CNMD: variants seen among roughly 807,000 people sequenced by gnomAD.
CNMD encodes the protein chondromodulin, also known as leukocyte cell-derived chemotaxin 1.
A neutral mutation model predicts 37.5 loss-of-function variants in CNMD; 30 were observed. That is an observed-to-expected ratio of 0.80 (90% CI 0.60 to 1.09). The LOEUF is 1.09. Ranked by LOEUF, CNMD falls within the 50% of genes least tolerant of loss-of-function variation. CNMD has a pLI of 0.00. For missense variants in CNMD, 398 were observed against 423.9 expected (o/e 0.94, Z 0.54); for synonymous variants, 167 against 148.2 (o/e 1.13, Z -0.92).
At chr13:52,726,005 A>G (rs148018914) in intron 3 of CNMD, among the ~76,000 whole-genome samples, 1 of 152,356 alleles carries the variant, frequency 6.6e-6, no homozygotes, top group East Asian at 1.9e-4. Context: ...TGGCTTAATT[A>G]ATCATGTATA....
At position 52,708,519 on chromosome 13, in the gene CNMD, A is replaced by C. The variant is rs750303317; in HGVS notation, c.789+17T>G. On this transcript the variant is annotated intron_variant, in intron 6 of 6. Transcript: ENST00000377962. ...TAATGCATTTGTCTAATCATGTCAA[A>C]AAGCACCGGAACGCACATGATAAGG... 1 of 1,601,684 alleles carries C rather than the reference A, an allele frequency of 6.2e-7. No homozygotes were observed. Among genetic ancestry groups the C allele is most frequent in the South Asian group, 1.1e-5 (1 of 88,410 alleles).
Position 52,733,250 on chromosome 13 carries a change from T to C in CNMD, c.323A>G (p.Glu108Gly), listed in dbSNP as rs752487864. The change falls in exon 3 of 7, where the codon GAA becomes GGA. Residue 108 changes from glutamate (E) to glycine (G), a missense_variant. By Grantham distance (98) the Glu-to-Gly change is moderately conservative. Transcript: ENST00000377962. Reference protein sequence around the residue: ...LETFKMGSGAEEAIAVNDFQN... With the variant: ...LETFKMGSGAGEAIAVNDFQN... Reference sequence around the variant, plus strand: ...GAAATCATTAACTGCAATTGCTTCTTCAGCTCCACTTCCCATTTTAAAGGT... The same window carrying C: ...GAAATCATTAACTGCAATTGCTTCTCCAGCTCCACTTCCCATTTTAAAGGT... 49 of 1,614,078 alleles carry C rather than the reference T, an allele frequency of 3.0e-5. No individual in the cohort carries two copies. The highest frequency in any genetic ancestry group is 4.1e-5 in the Non-Finnish European group (48 of 1,180,004).
intron 4 of CNMD, among the ~76,000 whole-genome samples, chr13:52,720,902 C>T (rs2138247134): frequency 6.6e-6 from 1 of 152,330 alleles, no homozygotes; most frequent in Admixed American, 6.5e-5. Context: ...GCTGTGCTCA[C>T]AGCCGCCCCT....
At chr13:52,714,934 G>T (rs1047656215) in intron 4 of CNMD, among the ~76,000 whole-genome samples, 2 of 152,068 alleles carry the variant, frequency 1.3e-5, no homozygotes, top group African/African-American at 2.4e-5. Context: ...GTCATGACAT[G>T]TTACTTATTC....
chr13:52,722,162 C>T lies in CNMD; in HGVS notation c.468+1835G>A, dbSNP rs148703401. On this transcript the variant is annotated intron_variant, in intron 4 of 6. Transcript: ENST00000377962. ...CTGGAACACCATCAGGAGAGAATGACCAGAGCAAGGAAGGTCTGGAATACA... is the reference window on the plus strand; with the variant it reads ...CTGGAACACCATCAGGAGAGAATGATCAGAGCAAGGAAGGTCTGGAATACA... 9.1e-3 allele frequency among the ~76,000 whole-genome samples: 1,377 copies of T among 151,642 alleles called. 25 individuals are homozygous for T. The highest frequency in any genetic ancestry group is 0.031 in the African/African-American group (1,297 of 41,292).
chr13:52,715,538 T>C (rs951769225), intron 4 of CNMD, among the ~76,000 whole-genome samples: 16 of 152,190 alleles, frequency 1.1e-4, no homozygotes, highest in African/African-American at 3.6e-4. Flanking sequence ...GTGTGTGATG[T>C]TCCCCTCCCT....
At chr13:52,729,075 T>C (rs117329148) in intron 3 of CNMD, among the ~76,000 whole-genome samples, 2,918 of 152,310 alleles carry the variant, frequency 0.019, 48 homozygotes, top group Middle Eastern at 0.058. Flanking sequence ...CATTCTTTTT[T>C]CAAAACAGTG....
chr13:52,731,924 C>A (rs1964678229), intron 3 of CNMD, among the ~76,000 whole-genome samples: 1 of 152,176 alleles, frequency 6.6e-6, no homozygotes, highest in South Asian at 2.1e-4. Flanking sequence ...GTGCATTGAG[C>A]AGAATCATCT....
At chr13:52,714,543 G>A (rs989728640) in intron 4 of CNMD, among the ~76,000 whole-genome samples, 3 of 151,846 alleles carry the variant, frequency 2.0e-5, no homozygotes, top group African/African-American at 7.3e-5. Flanking sequence ...CCATCACGGC[G>A]AATTTATTTA....
chr13:52,738,933 G>T, intron 2 of CNMD, 98 bp downstream of exon 2: 1 of 1,208,410 alleles, frequency 8.3e-7, no homozygotes, highest in Non-Finnish European at 1.1e-6. Context: ...CGAGGGGCCC[G>T]CCGGCAGCCG....
chr13:52,739,804 G>T lies in CNMD; in HGVS notation c.-103C>A, dbSNP rs568250687. 1.0e-6 allele frequency: 1 copy of T among 994,720 alleles called. No individual in the cohort carries two copies. The highest frequency in any genetic ancestry group is 1.6e-5 in the African/African-American group (1 of 62,844). The allele number at this position is 994,720 out of a possible 1,614,324, so 61.6% of individuals were successfully genotyped here. On this transcript the variant is annotated 5_prime_UTR_variant, in exon 1 of 7. Coordinates refer to ENST00000377962, the MANE Select transcript of CNMD (RefSeq NM_007015.3). This position sits in a 1 kb window ranked among gnomAD's most constrained non-coding sequence, Gnocchi z 5.4. ...GCATTTCAACGCCGCGCGCACACAC[G>T]GTGCACGGTCCCGCCTGGGCCAGCC...
intron 3 of CNMD, among the ~76,000 whole-genome samples, chr13:52,724,587 C>T (rs1323606368): frequency 2.7e-5 from 4 of 150,898 alleles, no homozygotes; most frequent in Non-Finnish European, 4.4e-5. Flanking sequence ...AGCAAGACTC[C>T]GTCTCAAAAC....
chr13:52,731,639 C>T (rs1448583226), intron 3 of CNMD, among the ~76,000 whole-genome samples: 1 of 152,128 alleles, frequency 6.6e-6, no homozygotes, highest in Non-Finnish European at 1.5e-5. Context: ...GATTATAAAA[C>T]AGAAATATAG....
intron 3 of CNMD, among the ~76,000 whole-genome samples, chr13:52,731,505 C>T (rs772150371): frequency 7.9e-5 from 12 of 152,146 alleles, no homozygotes; most frequent in Non-Finnish European, 1.6e-4. Flanking sequence ...TTCTACTCAC[C>T]AGTTCTGACT....
chr13:52,730,372 G>C (rs1443186129), intron 3 of CNMD, among the ~76,000 whole-genome samples: 1 of 152,016 alleles, frequency 6.6e-6, no homozygotes, highest in South Asian at 2.1e-4. Flanking sequence ...GGTATTTCTA[G>C]TTCTAGATCC....
At chr13:52,729,241 G>A (rs1964624428) in intron 3 of CNMD, among the ~76,000 whole-genome samples, 1 of 152,118 alleles carries the variant, frequency 6.6e-6, no homozygotes, top group African/African-American at 2.4e-5. Flanking sequence ...AAAGATTGGG[G>A]GCACTCCTGA....
intron 4 of CNMD, among the ~76,000 whole-genome samples, chr13:52,721,921 CT>C (rs1006883581): frequency 1.3e-5 from 2 of 152,066 alleles, no homozygotes; most frequent in African/African-American, 4.8e-5. Flanking sequence ...AGAACAAGTT[CT>C]GGGTCCATTT....
intron 2 of CNMD, among the ~76,000 whole-genome samples, chr13:52,735,172 T>A (rs1964735130): frequency 6.6e-6 from 1 of 152,158 alleles, no homozygotes; most frequent in Admixed American, 6.5e-5. Context: ...GTGGCCCTTA[T>A]GATCAGCCAG....
Position 52,733,244 on chromosome 13 carries a change from G to T in CNMD, c.329C>A (p.Ala110Glu). 2 of 1,614,088 alleles carry T rather than the reference G, an allele frequency of 1.2e-6. No homozygotes were observed. Among genetic ancestry groups the T allele is most frequent in the Non-Finnish European group, 1.7e-6 (2 of 1,179,934 alleles). Reference protein sequence around the residue: ...TFKMGSGAEEAIAVNDFQNGI... With the variant: ...TFKMGSGAEEEIAVNDFQNGI... ...ATTCTGGAAATCATTAACTGCAATT[G>T]CTTCTTCAGCTCCACTTCCCATTTT... The change falls in exon 3 of 7, where the codon GCA (alanine) becomes GAA (glutamate). Residue 110 changes from alanine (A) to glutamate (E), a missense_variant. By Grantham distance (107) the Ala-to-Glu change is moderately radical. Transcript: ENST00000377962.
Sources: gnomAD v4.1 joint callset for allele counts (sites outside exome capture counted in the v4.1 genomes callset) on GRCh38, gnomAD v4.1.1 for gene constraint, Gnocchi (gnomAD v3.1) non-coding constraint, MANE v1.5 for transcripts, NCBI Gene and HGNC (gene_info 2026-07-23, HGNC 2026-07-21) for gene names.